Variants in LYG1 observed in about 807,000 individuals in gnomAD.
The protein encoded by LYG1 is lysozyme g-like protein 1.
Under a neutral mutation model 21.7 loss-of-function variants are expected in LYG1, and 17 were observed. The ratio of observed to expected loss-of-function variants is 0.78; its 90% CI spans 0.54 to 1.18. The LOEUF is 1.18. Ranked by LOEUF, LYG1 falls within the 50% of genes most tolerant of loss-of-function variation. The pLI, the probability that LYG1 is intolerant of heterozygous loss-of-function variation, is 0.00. For synonymous variants in LYG1, 81 were observed against 87.4 expected (o/e 0.93, Z 0.41); for missense variants, 211 against 238.1 (o/e 0.89, Z 0.75).
At chr2:99,297,462 A>G (rs1352887961) in intron 2 of LYG1, among the ~76,000 whole-genome samples, 1 of 152,188 alleles carries the variant, frequency 6.6e-6, no homozygotes, top group Non-Finnish European at 1.5e-5. Flanking sequence ...CTGCTTTTCC[A>G]GGAAAGAAAA....
chr2:99,303,395 T>C (rs902679074), upstream of LYG1, among the ~76,000 whole-genome samples: 2 of 150,742 alleles, frequency 1.3e-5, no homozygotes, highest in African/African-American at 4.9e-5. Flanking sequence ...TCCTGGGAGG[T>C]TCTCCTGGGC....
chr2:99,284,521 A>G lies in LYG1; in HGVS notation c.467-10T>C, dbSNP rs1004838425. 1 of 1,613,744 alleles carries G rather than the reference A, an allele frequency of 6.2e-7. No individual in the cohort carries two copies. The highest frequency in any genetic ancestry group is 8.5e-7 in the Non-Finnish European group (1 of 1,179,694). On this transcript the variant is annotated splice_polypyrimidine_tract_variant and intron_variant, in intron 6 of 6. Coordinates refer to ENST00000308528, the MANE Select transcript of LYG1 (RefSeq NM_174898.3). ...TAGGCACAGAGTCCACCTGAAATGC[A>G]TGAGATAGGTTAATGCTGACCTAGG... is the stretch of plus-strand genomic sequence containing the variant.
intron 3 of LYG1, among the ~76,000 whole-genome samples, chr2:99,293,647 G>A (rs926955288): frequency 1.3e-5 from 2 of 152,180 alleles, no homozygotes; most frequent in African/African-American, 2.4e-5. Flanking sequence ...AAGGGGAGGA[G>A]TGGTTTCAGA....
chr2:99,284,621 G>T, intron 6 of LYG1, 67 bp downstream of exon 6: 4 of 1,595,754 alleles, frequency 2.5e-6, no homozygotes, highest in Non-Finnish European at 3.4e-6. Flanking sequence ...GGAATCTGGT[G>T]CAATGTATTA....
At chr2:99,291,045 T>C (rs2094116621) in intron 5 of LYG1, among the ~76,000 whole-genome samples, 192 bp downstream of exon 5, 1 of 152,230 alleles carries the variant, frequency 6.6e-6, no homozygotes, top group Non-Finnish European at 1.5e-5. Flanking sequence ...CATTATTTAC[T>C]GTGAAAAGAA....
intron 5 of LYG1, 92 bp downstream of exon 5, chr2:99,291,145 C>T: frequency 8.1e-7 from 1 of 1,237,594 alleles, no homozygotes; most frequent in Non-Finnish European, 1.2e-6. Context: ...TTCATTCATG[C>T]TGTGTTCTGT....
chr2:99,301,791 C>T (rs531079970), upstream of LYG1, among the ~76,000 whole-genome samples: 10 of 151,158 alleles, frequency 6.6e-5, no homozygotes, highest in South Asian at 1.1e-3. Context: ...TCTGAACCAC[C>T]GAGAGATACC....
chr2:99,292,580 C>G lies in LYG1; in HGVS notation c.104G>C (p.Gly35Ala). 6.2e-7 allele frequency: 1 copy of G among 1,614,172 alleles called. No homozygotes were observed. Residue 35 changes from glycine (G) to alanine (A), a missense_variant, in exon 4 of 7, where the codon GGA becomes GCA. Gly to Ala is a moderately conservative substitution (Grantham distance 60). Coordinates refer to ENST00000308528, the MANE Select transcript of LYG1 (RefSeq NM_174898.3). ...YGNIQSLDTPGASCGIGRRHG... is the reference protein window; with the variant it reads ...YGNIQSLDTPAASCGIGRRHG... ...ACGTCTTCCAATCCCACAAGATGCT[C>G]CAGGGGTGTCCAGGCTTTGGATGTT... is the stretch of plus-strand genomic sequence containing the variant.
chr2:99,299,487 G>C (rs879516459), intron 1 of LYG1, among the ~76,000 whole-genome samples: 2 of 149,860 alleles, frequency 1.3e-5, no homozygotes, highest in Non-Finnish European at 3.0e-5. Flanking sequence ...GAAGTGCTGT[G>C]ATCTCGGCTC....
upstream of LYG1, chr2:99,304,564 G>A (rs2094162250): frequency 6.6e-6 from 1 of 152,326 alleles, no homozygotes; most frequent in Non-Finnish European, 1.5e-5. Context: ...CGCCAAGGAT[G>A]AGAGCAAAGA....
intron 5 of LYG1, among the ~76,000 whole-genome samples, chr2:99,289,288 C>T (rs945021986): frequency 6.6e-6 from 1 of 151,882 alleles, no homozygotes; most frequent in Non-Finnish European, 1.5e-5. Flanking sequence ...GATGAAACCC[C>T]ATCTCTACAA....
chr2:99,294,104 G>A (rs2094129330), intron 3 of LYG1, among the ~76,000 whole-genome samples: 1 of 151,916 alleles, frequency 6.6e-6, no homozygotes, highest in East Asian at 1.9e-4. Flanking sequence ...TGAAGAGATG[G>A]GGTTTTGCCT....
chr2:99,300,142 G>A (rs890662467), intron 1 of LYG1, among the ~76,000 whole-genome samples: 1 of 151,994 alleles, frequency 6.6e-6, no homozygotes, highest in Non-Finnish European at 1.5e-5. Flanking sequence ...CAACAGGAAG[G>A]CTCATTTTAA....
chr2:99,288,634 T>C (rs1235134182), intron 5 of LYG1, among the ~76,000 whole-genome samples: 1 of 152,184 alleles, frequency 6.6e-6, no homozygotes, highest in Non-Finnish European at 1.5e-5. Context: ...AGTGGCGTGA[T>C]TTCAGCTCAC....
chr2:99,300,353 C>T (rs2094150548), intron 1 of LYG1, among the ~76,000 whole-genome samples: 1 of 152,048 alleles, frequency 6.6e-6, no homozygotes, highest in Non-Finnish European at 1.5e-5. Context: ...GTCCTCTGTG[C>T]CTGCTTTTCC....
upstream of LYG1, among the ~76,000 whole-genome samples, chr2:99,301,878 C>G (rs561659612): frequency 1.2e-4 from 18 of 151,250 alleles, no homozygotes; most frequent in South Asian, 3.8e-3. Flanking sequence ...CACCCAGGAC[C>G]TACAGCGTGT....
At chr2:99,284,621 G>A in intron 6 of LYG1, 67 bp downstream of exon 6, 1 of 1,595,754 alleles carries the variant, frequency 6.3e-7, no homozygotes, top group Non-Finnish European at 8.6e-7. Flanking sequence ...GGAATCTGGT[G>A]CAATGTATTA....
rs1322203765 is a variant in LYG1, at chr2:99,292,014, C to A, written c.148+522G>T. On this transcript the variant is annotated intron_variant, in intron 4 of 6. Coordinates refer to ENST00000308528, the MANE Select transcript of LYG1 (RefSeq NM_174898.3). ...TTTAAAAAGCACCCTCGGCCGGGCG[C>A]AGTGGCTCACACCTGTAATCCCAGC... 2.6e-5 allele frequency among the ~76,000 whole-genome samples: 4 copies of A among 152,276 alleles called. No individual in the cohort carries two copies. In the East Asian group the frequency reaches 7.7e-4, roughly 29 times the overall value.
At chr2:99,287,095 C>T (rs777251810) in intron 5 of LYG1, among the ~76,000 whole-genome samples, 12 of 152,090 alleles carry the variant, frequency 7.9e-5, no homozygotes, top group Non-Finnish European at 1.0e-4. Flanking sequence ...ATGATGGTTG[C>T]CAGGGGCTGA....
Sources: allele counts gnomAD v4.1 joint callset (sites outside exome capture counted in the v4.1 genomes callset), GRCh38; gene constraint gnomAD v4.1.1; transcripts MANE v1.5; gene names NCBI Gene and HGNC (gene_info 2026-07-23, HGNC 2026-07-21).